Variants in NDUFAF4 observed in about 807,000 individuals in gnomAD.
NDUFAF4 encodes the protein NADH dehydrogenase [ubiquinone] 1 alpha subcomplex assembly factor 4.
Under a neutral mutation model 15.6 loss-of-function variants are expected in NDUFAF4, and 10 were observed. That is an observed-to-expected ratio of 0.64 (90% CI 0.40 to 1.09). The LOEUF (loss-of-function observed/expected upper bound fraction) is 1.09, where lower values mean the gene tolerates loss of function less well. Ranked by LOEUF, NDUFAF4 falls within the 50% of genes least tolerant of loss-of-function variation. The pLI, the probability that NDUFAF4 is intolerant of heterozygous loss-of-function variation, is 0.01. For missense variants in NDUFAF4, 203 were observed against 207.3 expected (o/e 0.98, Z 0.13); for synonymous variants, 77 against 73.3 (o/e 1.05, Z -0.26).
At chr6:96,897,308 T>G (rs1775393574) in intron 1 of NDUFAF4, among the ~76,000 whole-genome samples, 1 of 152,196 alleles carries the variant, frequency 6.6e-6, no homozygotes, top group South Asian at 2.1e-4. Flanking sequence ...AAATTCCAGG[T>G]CAGGCTCTGC....
At position 96,891,376 on chromosome 6, in the gene NDUFAF4, T is replaced by C; in HGVS notation, c.256A>G (p.Thr86Ala). The C allele has an allele frequency of 1.2e-6, 2 of 1,602,634 alleles. No individual in the cohort carries two copies. Among genetic ancestry groups the C allele is most frequent in the Non-Finnish European group, 1.7e-6 (2 of 1,177,724 alleles). Residue 86 changes from threonine (T) to alanine (A), a missense_variant, in exon 3 of 3, where the codon ACA (threonine) becomes GCA (alanine). Thr to Ala is a moderately conservative substitution (Grantham distance 58). Coordinates refer to ENST00000316149, the MANE Select transcript of NDUFAF4 (RefSeq NM_014165.4). ...VSSLQVKAAE[T>A]CQEPKEFRLP... is the part of the protein sequence containing the mutation. ...CTGAATTCCTTCGGCTCTTGACATG[T>C]TTCAGCAGCTTTTACCTAGTATCAA... is the stretch of plus-strand genomic sequence containing the variant.
Position 96,891,167 on chromosome 6 carries a change from A to G in NDUFAF4, c.465T>C (p.Tyr155=). 6.2e-7 allele frequency: 1 copy of G among 1,613,318 alleles called. No homozygotes were observed. Among genetic ancestry groups the G allele is most frequent in the African/African-American group, 1.3e-5 (1 of 75,020 alleles). ...EQKDVNSLLK[Y]FVTFEVEIFP... ...AGATTTCGACTTCAAAAGTAACAAA[A>G]TATTTAAGAAGAGAATTCACATCTT... Residue 155 remains tyrosine, a synonymous_variant, in exon 3 of 3, where the codon TAT becomes TAC. Coordinates refer to ENST00000316149, the MANE Select transcript of NDUFAF4 (RefSeq NM_014165.4).
Position 96,896,762 on chromosome 6 carries a change from A to G in NDUFAF4, c.222T>C (p.Asp74=). 1.2e-6 allele frequency: 2 copies of G among 1,612,376 alleles called. No individual in the cohort carries two copies. The highest frequency in any genetic ancestry group is 8.5e-7 in the Non-Finnish European group (1 of 1,179,206). The change falls in exon 2 of 3, where the codon GAT becomes GAC. Residue 74 remains aspartate, a synonymous_variant. Transcript: ENST00000316149. ...CATTTACCTGCAAGGAAGACACAGG[A>G]TCTTTGGAATCAACATACACATCTT... is the stretch of plus-strand genomic sequence containing the variant. ...FLKDVYVDSK[D]PVSSLQVKAA... is the part of the protein sequence containing the mutation.
At chr6:96,894,740 C>T (rs935115628) in intron 2 of NDUFAF4, among the ~76,000 whole-genome samples, 3 of 152,144 alleles carry the variant, frequency 2.0e-5, no homozygotes, top group East Asian at 1.9e-4. Context: ...ACAGTAACAA[C>T]GTTCCCTTTA....
At position 96,896,977 on chromosome 6, in the gene NDUFAF4, A is replaced by C. The variant is rs1436156056; in HGVS notation, c.137-130T>G. 5.6e-6 allele frequency: 4 copies of C among 710,128 alleles called. No individual in the cohort carries two copies. In the African/African-American group the frequency reaches 7.1e-5, roughly 13 times the overall value. 44.0% of individuals were successfully genotyped at this position (710,128 alleles called of 1,614,324 possible). On this transcript the variant is annotated intron_variant, in intron 1 of 2. Transcript: ENST00000316149. ...AGTCTCGCTCTGTTGCCCAGACTGG[A>C]GTGCAGTCGCGCGATCTCGGCTCCC...
Position 96,897,706 on chromosome 6 carries a change from T to A in NDUFAF4, c.96A>T (p.Arg32Ser). 6.2e-7 allele frequency: 1 copy of A among 1,614,158 alleles called. No homozygotes were observed. The highest frequency in any genetic ancestry group is 8.5e-7 in the Non-Finnish European group (1 of 1,180,000). The change falls in exon 1 of 3, where the codon AGA becomes AGT. Residue 32 changes from arginine to serine, a missense_variant. Transcript: ENST00000316149. ...ISKMKPSVAPRHPSTNSLLRE... is the reference protein window; with the variant it reads ...ISKMKPSVAPSHPSTNSLLRE... ...GCAGGAGGCTGTTGGTAGAGGGGTG[T>A]CTGGGAGCGACAGAGGGCTTCATCT...
At chr6:96,896,066 A>C (rs1775366216) in intron 2 of NDUFAF4, 1 of 152,678 alleles carries the variant, frequency 6.5e-6, no homozygotes, top group South Asian at 2.1e-4. Context: ...CCTCCAATAT[A>C]CTCAGCAGTG....
intron 1 of NDUFAF4, among the ~76,000 whole-genome samples, chr6:96,897,411 G>T (rs1228166395): frequency 6.6e-6 from 1 of 152,190 alleles, no homozygotes; most frequent in Non-Finnish European, 1.5e-5. Context: ...GCCGGCGAGG[G>T]CCTGGTTAGC....
Position 96,890,862 on chromosome 6 carries a change from G to C in NDUFAF4, c.*242C>G, listed in dbSNP as rs1233407234. On this transcript the variant is annotated 3_prime_UTR_variant, in exon 3 of 3. Transcript: ENST00000316149. ...AATTAACTCTTTCACCATAATAAAG[G>C]TACAGATGTGCTCAGTCATGCTGAC... 2 of 436,664 alleles carry C rather than the reference G, an allele frequency of 4.6e-6. No homozygotes were observed. Among genetic ancestry groups the C allele is most frequent in the South Asian group, 5.0e-5 (2 of 40,092 alleles). The allele number at this position is 436,664 out of a possible 1,614,324, so 27.0% of individuals were successfully genotyped here.
chr6:96,891,349 A>G lies in NDUFAF4; in HGVS notation c.283T>C (p.Leu95=), dbSNP rs1333172905. 3.1e-6 allele frequency: 5 copies of G among 1,613,584 alleles called. No individual in the cohort carries two copies. The highest frequency in any genetic ancestry group is 4.2e-6 in the Non-Finnish European group (5 of 1,179,828). ...ETCQEPKEFR[L]PKDHHFDMIN... Reference sequence around the variant, plus strand: ...ATATCAAAATGATGGTCTTTCGGCAATCTGAATTCCTTCGGCTCTTGACAT... The same window carrying G: ...ATATCAAAATGATGGTCTTTCGGCAGTCTGAATTCCTTCGGCTCTTGACAT... The change falls in exon 3 of 3, where the codon TTG becomes CTG. Residue 95 remains leucine (L), a synonymous_variant. Transcript: ENST00000316149.
rs756140689 is a variant in NDUFAF4, at chr6:96,891,082, T to C, written c.*22A>G. 20 of 1,605,554 alleles carry C rather than the reference T, an allele frequency of 1.2e-5. No individual in the cohort carries two copies. The East Asian group carries it at 1.3e-4, about 11-fold the overall frequency. On this transcript the variant is annotated 3_prime_UTR_variant, in exon 3 of 3. Coordinates refer to ENST00000316149, the MANE Select transcript of NDUFAF4 (RefSeq NM_014165.4). ...CAGCAGGAGGGATGAGGAGTACACA[T>C]AGGAAATTTCTGTGATTTTCTTCAT...
chr6:96,893,178 T>C (rs9487460), intron 2 of NDUFAF4, among the ~76,000 whole-genome samples: 15,749 of 151,942 alleles, frequency 0.1, 1,703 homozygotes, highest in African/African-American at 0.27. Flanking sequence ...CTCACTCACA[T>C]CTCCCCCATA....
rs766671649 is a variant in NDUFAF4, at chr6:96,891,333, T to G, written c.299A>C (p.His100Pro). The change falls in exon 3 of 3, where the codon CAT (histidine) becomes CCT (proline). Residue 100 changes from histidine (H) to proline (P), a missense_variant. Transcript: ENST00000316149. ...GCTCTTAATATTTATCATATCAAAA[T>G]GATGGTCTTTCGGCAATCTGAATTC... ...PKEFRLPKDHHFDMINIKSIP... is the reference protein window; with the variant it reads ...PKEFRLPKDHPFDMINIKSIP... 7 of 1,613,564 alleles carry G rather than the reference T, an allele frequency of 4.3e-6. No individual in the cohort carries two copies. The East Asian group carries it at 1.6e-4, about 36-fold the overall frequency.
intron 2 of NDUFAF4, among the ~76,000 whole-genome samples, 196 bp from the exon 3 acceptor site, chr6:96,891,587 G>A (rs41289878): frequency 0.033 from 4,943 of 152,092 alleles, 121 homozygotes; most frequent in Middle Eastern, 0.071. Flanking sequence ...CTAGATCATG[G>A]GAGTGGATTT....
At position 96,897,747 on chromosome 6, in the gene NDUFAF4, C is replaced by T. The variant is rs1276401997; in HGVS notation, c.55G>A (p.Glu19Lys). 6.2e-7 allele frequency: 1 copy of T among 1,614,172 alleles called. No homozygotes were observed. Among genetic ancestry groups the T allele is most frequent in the African/African-American group, 1.3e-5 (1 of 75,060 alleles). ...IRNFNLENRA[E>K]REISKMKPSV... The stretch of plus-strand genomic sequence containing the variant: ...GGCTTCATCTTGCTGATTTCCCGTT[C>T]CGCTCGGTTCTCTAGGTTGAAATTC... Residue 19 changes from glutamate to lysine, a missense_variant, in exon 1 of 3, where the codon GAA becomes AAA. By Grantham distance (56) the Glu-to-Lys change is moderately conservative. Coordinates refer to ENST00000316149, the MANE Select transcript of NDUFAF4 (RefSeq NM_014165.4).
At chr6:96,897,591 G>T in intron 1 of NDUFAF4, 75 bp downstream of exon 1, 1 of 1,597,822 alleles carries the variant, frequency 6.3e-7, no homozygotes, top group South Asian at 1.1e-5. Flanking sequence ...TCGGCCTCCG[G>T]ACCCACGCTA....
intron 2 of NDUFAF4, among the ~76,000 whole-genome samples, chr6:96,891,971 G>C (rs972631499): frequency 6.6e-6 from 1 of 151,882 alleles, no homozygotes; most frequent in Admixed American, 6.6e-5. Flanking sequence ...CATAACTATA[G>C]CTCTATCATT....
In NDUFAF4 at chr6:96,897,858, A is replaced by G. The variant is rs931710746; in HGVS notation, c.-57T>C. The G allele has an allele frequency of 1.2e-6, 2 of 1,612,054 alleles. No homozygotes were observed. The highest frequency in any genetic ancestry group is 1.7e-6 in the Non-Finnish European group (2 of 1,178,948). ...CCGCACGTGGGAACACCGGCGCAGGACAACTCCGGGACACCCGGAGCATGC... is the reference window on the plus strand; with the variant it reads ...CCGCACGTGGGAACACCGGCGCAGGGCAACTCCGGGACACCCGGAGCATGC... On this transcript the variant is annotated 5_prime_UTR_variant, in exon 1 of 3. Transcript: ENST00000316149.
At position 96,891,130 on chromosome 6, in the gene NDUFAF4, C is replaced by G. The variant is rs1260208426; in HGVS notation, c.502G>C (p.Asp168His). 1 of 1,612,854 alleles carries G rather than the reference C, an allele frequency of 6.2e-7. No homozygotes were observed. The highest frequency in any genetic ancestry group is 1.7e-5 in the Admixed American group (1 of 59,914). Residue 168 changes from aspartate to histidine, a missense_variant, in exon 3 of 3, where the codon GAC becomes CAC. Transcript: ENST00000316149. ...CATTTTGATCGTATTGCTTTCTTGT[C>G]TTCAGGAGGGAAGATTTCGACTTCA... ...TFEVEIFPPEDKKAIRSK is the reference protein window; with the variant it reads ...TFEVEIFPPEHKKAIRSK
Sources: allele counts gnomAD v4.1 joint callset (sites outside exome capture counted in the v4.1 genomes callset), GRCh38; gene constraint gnomAD v4.1.1; transcripts MANE v1.5; gene names NCBI Gene and HGNC (gene_info 2026-07-23, HGNC 2026-07-21).